The following HS3ST5 variants were observed in gnomAD, a reference collection of about 807,000 sequenced individuals.
HS3ST5 encodes the protein heparan sulfate-glucosamine 3-sulfotransferase 5.
HS3ST5 carries 10 observed loss-of-function variants against 25.4 expected under a neutral mutation model. The ratio of observed to expected loss-of-function variants is 0.39; its 90% CI spans 0.24 to 0.67. The LOEUF is 0.67. Among genes scored for constraint, HS3ST5 ranks in the 30% least tolerant of loss-of-function variants. The pLI, the probability that HS3ST5 is intolerant of heterozygous loss-of-function variation, is 0.44. For synonymous variants in HS3ST5, 170 were observed against 162.4 expected (o/e 1.05, Z -0.36); for missense variants, 324 against 420.7 (o/e 0.77, Z 2.01).
chr6:114,265,471 C>T (rs929209956), intron 1 of HS3ST5, among the ~76,000 whole-genome samples: 45 of 152,114 alleles, frequency 3.0e-4, no homozygotes, highest in Non-Finnish European at 6.2e-4. Flanking sequence ...AGAGATAGAA[C>T]GTAGTGGCTG....
chr6:114,177,956 GA>G (rs1779799341), intron 2 of HS3ST5, among the ~76,000 whole-genome samples: 1 of 152,176 alleles, frequency 6.6e-6, no homozygotes, highest in Non-Finnish European at 1.5e-5. Context: ...GTTTAAACAT[GA>G]AAATTTTTTG....
chr6:114,135,164 C>G (rs938445786), intron 3 of HS3ST5, among the ~76,000 whole-genome samples: 1 of 152,212 alleles, frequency 6.6e-6, no homozygotes, highest in African/African-American at 2.4e-5. Context: ...CTGCAGATAC[C>G]TGCAGGCTGC....
chr6:114,151,132 C>T (rs1778430591), intron 3 of HS3ST5, among the ~76,000 whole-genome samples: 1 of 152,158 alleles, frequency 6.6e-6, no homozygotes, highest in Non-Finnish European at 1.5e-5. Context: ...AAAGGAATGA[C>T]CCATGCCTTA....
At chr6:114,176,734 A>G (rs916199188) in intron 2 of HS3ST5, among the ~76,000 whole-genome samples, 16 of 152,224 alleles carry the variant, frequency 1.1e-4, no homozygotes, top group African/African-American at 3.9e-4. Flanking sequence ...AAGGCAAGGT[A>G]TAATTGTTGA....
chr6:114,225,081 G>A (rs1379056576), intron 2 of HS3ST5, among the ~76,000 whole-genome samples: 1 of 151,716 alleles, frequency 6.6e-6, no homozygotes, highest in Non-Finnish European at 1.5e-5. Flanking sequence ...GGTACCATAA[G>A]GGATGGTGAA....
chr6:114,201,910 A>G (rs1421668239), intron 2 of HS3ST5, among the ~76,000 whole-genome samples: 1 of 152,098 alleles, frequency 6.6e-6, no homozygotes, highest in African/African-American at 2.4e-5. Context: ...TAAAACCATC[A>G]GATCTGTGAG....
chr6:114,089,222 A>T (rs961741692), intron 3 of HS3ST5, among the ~76,000 whole-genome samples: 1 of 152,260 alleles, frequency 6.6e-6, no homozygotes, highest in African/African-American at 2.4e-5. Context: ...TATTTAAAAC[A>T]GAATTTCAGC....
intron 1 of HS3ST5, among the ~76,000 whole-genome samples, chr6:114,304,484 T>C (rs1562270178): frequency 6.6e-6 from 1 of 152,134 alleles, no homozygotes; most frequent in African/African-American, 2.4e-5. Flanking sequence ...TACATTTATG[T>C]AAAATGGAAG....
intron 3 of HS3ST5, among the ~76,000 whole-genome samples, chr6:114,095,298 T>C (rs1391150883): frequency 6.6e-6 from 1 of 152,204 alleles, no homozygotes; most frequent in Admixed American, 6.5e-5. Flanking sequence ...CTGTCCCTTA[T>C]GCCCAACATC....
intron 3 of HS3ST5, among the ~76,000 whole-genome samples, chr6:114,121,219 C>T (rs898610998): frequency 1.3e-5 from 2 of 152,194 alleles, no homozygotes. Flanking sequence ...ACAGTTTATA[C>T]ATCACATAAC....
chr6:114,130,228 C>T (rs1328969768), intron 3 of HS3ST5, among the ~76,000 whole-genome samples: 1 of 152,158 alleles, frequency 6.6e-6, no homozygotes, highest in African/African-American at 2.4e-5. Context: ...TTCAATGTGA[C>T]CAGCACCTCC....
Position 114,251,567 on chromosome 6 carries a change from G to C in HS3ST5, c.-338-22789C>G, listed in dbSNP as rs139879880. ...TTTGGATGGAATTCACTCCGTTCTT[G>C]TCTTTGGTAGTGGGCCCTGATTGGC... On this transcript the variant is annotated intron_variant, in intron 1 of 4. Coordinates refer to ENST00000312719, the MANE Select transcript of HS3ST5 (RefSeq NM_153612.4). 1.2e-4 allele frequency: 18 copies of C among 152,302 alleles called. No homozygotes were observed. In the East Asian group the frequency reaches 3.5e-3, roughly 29 times the overall value. 9.4% of individuals were successfully genotyped at this position (152,302 alleles called of 1,614,324 possible).
At chr6:114,141,909 T>G (rs1777924417) in intron 3 of HS3ST5, among the ~76,000 whole-genome samples, 1 of 148,116 alleles carries the variant, frequency 6.8e-6, no homozygotes, top group Non-Finnish European at 1.5e-5. Flanking sequence ...TGTGTGTATT[T>G]TGCATACAAG....
intron 1 of HS3ST5, among the ~76,000 whole-genome samples, chr6:114,312,866 T>A (rs534743882): frequency 1.3e-5 from 2 of 150,776 alleles, no homozygotes; most frequent in Non-Finnish European, 1.5e-5. Flanking sequence ...CCATTTCTAT[T>A]AAAAAATACA....
chr6:114,232,610 A>G (rs2114542795), intron 1 of HS3ST5, among the ~76,000 whole-genome samples: 1 of 152,312 alleles, frequency 6.6e-6, no homozygotes, highest in East Asian at 1.9e-4. Flanking sequence ...GCCTTCATCC[A>G]GTGTTCTCTT....
intron 3 of HS3ST5, among the ~76,000 whole-genome samples, chr6:114,146,526 G>A (rs1033367927): frequency 6.6e-6 from 1 of 152,208 alleles, no homozygotes; most frequent in East Asian, 1.9e-4. Context: ...GAGGCCAATG[G>A]CCAAGAATGT....
At chr6:114,080,048 A>G (rs1416592673) in intron 3 of HS3ST5, among the ~76,000 whole-genome samples, 2 of 152,186 alleles carry the variant, frequency 1.3e-5, no homozygotes, top group Admixed American at 6.5e-5. Flanking sequence ...AAGTGCTGGG[A>G]TTATAGGCGT....
intron 1 of HS3ST5, among the ~76,000 whole-genome samples, chr6:114,315,334 A>G (rs1490285874): frequency 1.3e-5 from 2 of 152,194 alleles, no homozygotes; most frequent in Non-Finnish European, 2.9e-5. Context: ...AATATAAAAA[A>G]GATATATTTT....
At chr6:114,163,804 T>A (rs962281035) in intron 3 of HS3ST5, among the ~76,000 whole-genome samples, 2 of 152,072 alleles carry the variant, frequency 1.3e-5, no homozygotes, top group African/African-American at 4.8e-5. Context: ...TATTTGAGAG[T>A]TTTTCTTTTT....
Sources: gnomAD v4.1 joint callset for allele counts (sites outside exome capture counted in the v4.1 genomes callset) on GRCh38, gnomAD v4.1.1 for gene constraint, MANE v1.5 for transcripts, NCBI Gene and HGNC (gene_info 2026-07-23, HGNC 2026-07-21) for gene names.